The following CEP83 variants were observed in gnomAD, a reference collection of about 807,000 sequenced individuals.
CEP83 encodes the protein centrosomal protein 83.
Under a neutral mutation model 101.9 loss-of-function variants are expected in CEP83, and 70 were observed. That is an observed-to-expected ratio of 0.69 (90% confidence interval 0.57 to 0.84). The LOEUF is 0.84. CEP83 is among the 40% of genes least tolerant of loss of function. The pLI is 0.00. For missense variants in CEP83, 715 were observed against 787.2 expected (o/e 0.91, Z 1.10); for synonymous variants, 264 against 267.9 (o/e 0.99, Z 0.14).
At chr12:94,349,285 C>CAAAAAAAAAA (rs567484415) in intron 11 of CEP83, among the ~76,000 whole-genome samples, 1 of 73,468 alleles carries the variant, frequency 1.4e-5, no homozygotes. Context: ...GACTCTGTCT[C>CAAAAAAAAAA]AAAAAAAAAA....
Position 94,367,801 on chromosome 12 carries a change from T to G in CEP83, c.1336A>C (p.Ser446Arg). Residue 446 changes from serine to arginine, a missense_variant, in exon 11 of 17, where the codon AGT becomes CGT. Physicochemically the swap from Ser to Arg is moderately radical, Grantham distance 110 (BLOSUM62 -1). Coordinates refer to ENST00000397809, the MANE Select transcript of CEP83 (RefSeq NM_016122.3). ...AEEITRKELQ[S>R]VRLKLQQQIV... ...TATATATGTATATATAACCTAACAC[T>G]CTGAAGCTCCTTCCTGGTGATCTCT... The G allele has an allele frequency of 6.2e-7, 1 of 1,608,932 alleles. No homozygotes were observed. Among genetic ancestry groups the G allele is most frequent in the Non-Finnish European group, 8.5e-7 (1 of 1,178,612 alleles).
intron 2 of CEP83, among the ~76,000 whole-genome samples, chr12:94,427,759 T>C (rs1455653293): frequency 6.6e-6 from 1 of 151,988 alleles, no homozygotes; most frequent in Non-Finnish European, 1.5e-5. Context: ...ATTAAAAGTC[T>C]AGGGAGGACC....
chr12:94,376,711 A>G, intron 7 of CEP83, among the ~76,000 whole-genome samples: 1 of 122,474 alleles, frequency 8.2e-6, no homozygotes, highest in African/African-American at 3.0e-5. Flanking sequence ...ACACACACAC[A>G]CACACACACA....
At chr12:94,333,045 C>CAAAAA (rs34900007) in intron 13 of CEP83, among the ~76,000 whole-genome samples, 450 of 72,896 alleles carry the variant, frequency 6.2e-3, no homozygotes, top group Non-Finnish European at 7.6e-3. Flanking sequence ...ATTTTAAGAC[C>CAAAAA]AAAAAAAAAA....
the CEP83 span, among the ~76,000 whole-genome samples, chr12:94,298,022 T>A: frequency 6.6e-6 from 1 of 152,208 alleles, no homozygotes; most frequent in Non-Finnish European, 1.5e-5. Context: ...TGCTATGATC[T>A]ACACTTGGCC....
At chr12:94,272,973 G>C in the CEP83 span, among the ~76,000 whole-genome samples, 1 of 152,150 alleles carries the variant, frequency 6.6e-6, no homozygotes. Context: ...TCATCACCTT[G>C]GCTGGCCTCT....
the CEP83 span, among the ~76,000 whole-genome samples, chr12:94,269,885 A>G: frequency 6.6e-6 from 1 of 152,240 alleles, no homozygotes; most frequent in African/African-American, 2.4e-5. Flanking sequence ...TAGGTAAGTC[A>G]TTCCCTCGTT....
chr12:94,305,232 C>T (rs1157115670), downstream of CEP83: 2 of 1,611,638 alleles, frequency 1.2e-6, no homozygotes, highest in South Asian at 1.1e-5. Context: ...TCAGAAACAA[C>T]TCTTGCATGT....
At chr12:94,361,913 C>A (rs992629516) in intron 11 of CEP83, among the ~76,000 whole-genome samples, 1 of 152,120 alleles carries the variant, frequency 6.6e-6, no homozygotes. Context: ...GTTGGTCAGG[C>A]TGGTCTTGTA....
chr12:94,453,669 T>G (rs929370015), intron 1 of CEP83, among the ~76,000 whole-genome samples: 3 of 152,198 alleles, frequency 2.0e-5, no homozygotes, highest in Non-Finnish European at 4.4e-5. Flanking sequence ...AAATTTGCTT[T>G]AAATTGGAAG....
At chr12:94,290,800 T>C in the CEP83 span, among the ~76,000 whole-genome samples, 19 of 152,236 alleles carry the variant, frequency 1.2e-4, no homozygotes, top group African/African-American at 4.6e-4. Flanking sequence ...AATATTAGAA[T>C]TGAGAATAGC....
intron 6 of CEP83, among the ~76,000 whole-genome samples, chr12:94,386,261 G>A (rs1478185143): frequency 6.6e-6 from 1 of 152,116 alleles, no homozygotes; most frequent in East Asian, 1.9e-4. Context: ...AAAGTACTAT[G>A]CATTAAGAGT....
intron 5 of CEP83, chr12:94,401,336 T>C (rs899230943): frequency 2.0e-5 from 3 of 152,660 alleles, no homozygotes; most frequent in Admixed American, 1.3e-4. Context: ...ATAGATTTTT[T>C]AAATGTATAA....
chr12:94,317,038 AAC>A (rs1593106998), intron 14 of CEP83, among the ~76,000 whole-genome samples: 2 of 152,294 alleles, frequency 1.3e-5, no homozygotes, highest in African/African-American at 4.8e-5. Flanking sequence ...CACTCCCACC[AAC>A]AGTGTATCAA....
At chr12:94,445,096 T>A (rs919006437) in intron 1 of CEP83, among the ~76,000 whole-genome samples, 1 of 151,672 alleles carries the variant, frequency 6.6e-6, no homozygotes, top group Non-Finnish European at 1.5e-5. Context: ...TAAAGTGCCA[T>A]AGAAATGAAA....
At chr12:94,422,282 T>C (rs971411975) in intron 2 of CEP83, among the ~76,000 whole-genome samples, 5 of 152,190 alleles carry the variant, frequency 3.3e-5, no homozygotes, top group African/African-American at 1.2e-4. Flanking sequence ...CCTGTCTCCT[T>C]TGTTTGTATG....
At chr12:94,365,583 A>G (rs576287241) in intron 11 of CEP83, among the ~76,000 whole-genome samples, 1 of 152,258 alleles carries the variant, frequency 6.6e-6, no homozygotes, top group African/African-American at 2.4e-5. Context: ...CAGCCTGGCC[A>G]ACATGGTGAA....
the CEP83 span, among the ~76,000 whole-genome samples, chr12:94,293,192 A>AAAC: frequency 6.6e-6 from 1 of 152,160 alleles, no homozygotes; most frequent in East Asian, 1.9e-4. Flanking sequence ...ATTGTTTTAT[A>AAAC]AACTGTTGTA....
rs879436118 is a variant in CEP83 at position 94,366,138 on chromosome 12, GT to G, written c.1343+1655del. Reference sequence around the variant, plus strand: ...TTGAAGGTTTTGTTTTTTTGTTTTTGTTTTTTTTTGGTGTATTATAGTTCTG... The same window carrying G: ...TTGAAGGTTTTGTTTTTTTGTTTTTGTTTTTTTTGGTGTATTATAGTTCTG... On this transcript the variant is annotated intron_variant, in intron 11 of 16. Transcript: ENST00000397809. 3.3e-5 allele frequency among the ~76,000 whole-genome samples: 5 copies of G among 150,322 alleles called. No homozygotes were observed. The East Asian group carries it at 7.8e-4, about 23-fold the overall frequency.
Sources: allele counts gnomAD v4.1 joint callset (sites outside exome capture counted in the v4.1 genomes callset), GRCh38; gene constraint gnomAD v4.1.1; transcripts MANE v1.5; gene names NCBI Gene and HGNC (gene_info 2026-07-23, HGNC 2026-07-21).